BTLA: variants seen among roughly 807,000 people sequenced by gnomAD.
BTLA encodes the protein B- and T-lymphocyte attenuator.
A neutral mutation model predicts 25.0 loss-of-function variants in BTLA; 11 were observed. The observed-to-expected ratio is 0.44, with a 90% CI of 0.28 to 0.73. The LOEUF (loss-of-function observed/expected upper bound fraction) is 0.73. BTLA is among the 30% of genes least tolerant of loss of function. The pLI is 0.15. For missense variants in BTLA, 282 were observed against 332.8 expected, an observed-to-expected ratio of 0.85 and a Z score of 1.19; for synonymous variants, 104 against 119.8, an observed-to-expected ratio of 0.87 and a Z score of 0.86.
At position 112,464,968 on chromosome 3, in the gene BTLA, A is replaced by C. The variant is rs1368852401; in HGVS notation, c.*1140T>G. On this transcript the variant is annotated 3_prime_UTR_variant, in exon 5 of 5. Transcript: ENST00000334529. The stretch of plus-strand genomic sequence containing the variant: ...TCGAATAGCCTCAAACTGTTGAATA[A>C]AATTATAGGCTATTTTTGAAATAGT... 1.3e-5 allele frequency: 2 copies of C among 152,228 alleles called. No homozygotes were observed. Among genetic ancestry groups the C allele is most frequent in the East Asian group, 1.9e-4 (1 of 5,206 alleles). The allele number at this position is 152,228 out of a possible 1,614,324, so 9.4% of individuals were successfully genotyped here.
intron 1 of BTLA, among the ~76,000 whole-genome samples, chr3:112,485,736 G>A (rs2082343421): frequency 2.0e-5 from 3 of 152,010 alleles, no homozygotes; most frequent in Admixed American, 2.0e-4. Context: ...TATTATCTCT[G>A]CTGTTTTTCT....
At chr3:112,485,887 T>C (rs888504392) in intron 1 of BTLA, among the ~76,000 whole-genome samples, 4 of 151,948 alleles carry the variant, frequency 2.6e-5, no homozygotes, top group Admixed American at 1.3e-4. Context: ...CCGAGGCGAG[T>C]GGATCACGAG....
intron 2 of BTLA, among the ~76,000 whole-genome samples, chr3:112,472,154 T>C (rs769454528): frequency 6.6e-6 from 1 of 152,058 alleles, no homozygotes; most frequent in Non-Finnish European, 1.5e-5. Flanking sequence ...TGGCAACCAG[T>C]GAGTAGAAGC....
At chr3:112,477,989 C>T (rs2107319205) in intron 2 of BTLA, among the ~76,000 whole-genome samples, 1 of 144,338 alleles carries the variant, frequency 6.9e-6, no homozygotes, top group East Asian at 2.0e-4. Flanking sequence ...CTTTGTCTAT[C>T]CATGACAATA....
intron 2 of BTLA, among the ~76,000 whole-genome samples, chr3:112,473,613 T>TC (rs1488781264): frequency 7.9e-6 from 1 of 126,928 alleles, no homozygotes; most frequent in Admixed American, 8.2e-5. Context: ...TTCTTCTTCT[T>TC]TTTTTTTTTT....
chr3:112,486,332 C>T (rs573935382), intron 1 of BTLA, among the ~76,000 whole-genome samples: 2 of 152,150 alleles, frequency 1.3e-5, no homozygotes, highest in African/African-American at 4.8e-5. Context: ...ACCCCTTTCT[C>T]TATACATAAA....
intron 4 of BTLA, 95 bp from the exon 5 acceptor site, chr3:112,466,478 A>C: frequency 1.7e-6 from 2 of 1,149,792 alleles, no homozygotes; most frequent in Non-Finnish European, 2.4e-6. Context: ...AAATGGAGTC[A>C]TGTCCATTGT....
intron 1 of BTLA, 132 bp from the exon 2 acceptor site, chr3:112,479,901 T>G (rs2107321286): frequency 1.5e-6 from 1 of 681,958 alleles, no homozygotes; most frequent in South Asian, 2.0e-5. Context: ...AATTAAGCCT[T>G]ACTAGCAGAA....
rs113412967 is a variant in BTLA, at chr3:112,471,890, C to T, written c.404-535G>A. Among the ~76,000 whole-genome samples the T allele has an allele frequency of 3.8e-3, 574 of 152,324 alleles. 5 individuals carry two copies. Among genetic ancestry groups the T allele is most frequent in the African/African-American group, 0.013 (523 of 41,572 alleles). On this transcript the variant is annotated intron_variant, in intron 2 of 4. Transcript: ENST00000334529. ...AGCCTTAAAAGTGCTCTGCATGGCACACAGCTAATGCGCATTACTATTGAT... is the reference window on the plus strand; with the variant it reads ...AGCCTTAAAAGTGCTCTGCATGGCATACAGCTAATGCGCATTACTATTGAT...
At chr3:112,486,357 T>C (rs113053486) in intron 1 of BTLA, among the ~76,000 whole-genome samples, 3 of 152,192 alleles carry the variant, frequency 2.0e-5, no homozygotes, top group African/African-American at 7.2e-5. Flanking sequence ...TTTTCAGAAA[T>C]AATCATGAGA....
chr3:112,467,601 A>G (rs551322443), intron 4 of BTLA, among the ~76,000 whole-genome samples: 1 of 152,310 alleles, frequency 6.6e-6, no homozygotes, highest in Non-Finnish European at 1.5e-5. Flanking sequence ...TCTATGGCAG[A>G]TTTCCTTGGC....
chr3:112,466,797 C>T (rs1170433838), intron 4 of BTLA, among the ~76,000 whole-genome samples: 3 of 151,954 alleles, frequency 2.0e-5, no homozygotes, highest in African/African-American at 4.8e-5. Context: ...ACAAATACCC[C>T]CTAAGAGGGC....
chr3:112,485,850 C>T (rs1330446868), intron 1 of BTLA, among the ~76,000 whole-genome samples: 2 of 152,224 alleles, frequency 1.3e-5, no homozygotes, highest in African/African-American at 4.8e-5. Flanking sequence ...CGGTGGCTCA[C>T]GCCTGTGGTC....
At chr3:112,498,736 G>T (rs1395865044) in intron 1 of BTLA, among the ~76,000 whole-genome samples, 1 of 152,040 alleles carries the variant, frequency 6.6e-6, no homozygotes, top group Non-Finnish European at 1.5e-5. Flanking sequence ...CCTATATTTT[G>T]TAGCATTTTC....
chr3:112,492,694 C>G (rs78130186), intron 1 of BTLA, among the ~76,000 whole-genome samples: 1,758 of 152,252 alleles, frequency 0.012, 39 homozygotes, highest in African/African-American at 0.04. Context: ...TGGACAGAAT[C>G]TGCTAAATGT....
Position 112,465,976 on chromosome 3 carries a change from C to G in BTLA, c.*132G>C, listed in dbSNP as rs1379853096. ...ATTTATCCTATGGACCCTTAAGACC[C>G]AAGCACTAACATGAACATTTCTAAA... On this transcript the variant is annotated 3_prime_UTR_variant, in exon 5 of 5. Coordinates refer to ENST00000334529, the MANE Select transcript of BTLA (RefSeq NM_181780.4). The G allele has an allele frequency of 8.7e-6, 9 of 1,037,948 alleles. No homozygotes were observed. Among genetic ancestry groups the G allele is most frequent in the Non-Finnish European group, 1.2e-5 (9 of 729,050 alleles). 64.3% of individuals were successfully genotyped at this position (1,037,948 alleles called of 1,614,324 possible).
chr3:112,496,414 G>C (rs1051438333), intron 1 of BTLA, among the ~76,000 whole-genome samples: 6 of 152,120 alleles, frequency 3.9e-5, no homozygotes, highest in South Asian at 4.1e-4. Context: ...GAAGTTTGTA[G>C]AGAACATTAC....
At chr3:112,469,319 A>T (rs531714246) in intron 4 of BTLA, among the ~76,000 whole-genome samples, 1 of 152,194 alleles carries the variant, frequency 6.6e-6, no homozygotes, top group Admixed American at 6.5e-5. Context: ...AAGATATCTA[A>T]TCATTTTATG....
intron 2 of BTLA, among the ~76,000 whole-genome samples, chr3:112,475,649 C>T (rs975652818): frequency 1.3e-5 from 2 of 152,142 alleles, no homozygotes; most frequent in Non-Finnish European, 2.9e-5. Flanking sequence ...TAACTTCTGA[C>T]CTTTCATCTG....
Sources: allele counts gnomAD v4.1 joint callset (sites outside exome capture counted in the v4.1 genomes callset), GRCh38; gene constraint gnomAD v4.1.1; transcripts MANE v1.5; gene names NCBI Gene and HGNC (gene_info 2026-07-23, HGNC 2026-07-21).